Variants in FHIT observed in about 807,000 individuals in gnomAD.
The protein encoded by FHIT is bis(5'-adenosyl)-triphosphatase.
Under a neutral mutation model 17.9 loss-of-function variants are expected in FHIT, and 19 were observed. The ratio of observed to expected loss-of-function variants is 1.06; its 90% CI spans 0.74 to 1.56. The LOEUF (loss-of-function observed/expected upper bound fraction) is 1.56, where lower values mean the gene tolerates loss of function less well. Ranked by LOEUF, FHIT falls within the 40% of genes most tolerant of loss-of-function variation. FHIT has a pLI of 0.00. For synonymous variants in FHIT, 81 were observed against 69.7 expected, an observed-to-expected ratio of 1.16 and a Z score of -0.81; for missense variants, 248 against 189.2, an observed-to-expected ratio of 1.31 and a Z score of -1.82.
chr3:60,632,927 T>C (rs1200903426), intron 4 of FHIT, among the ~76,000 whole-genome samples: 2 of 152,184 alleles, frequency 1.3e-5, no homozygotes, highest in Non-Finnish European at 2.9e-5. Context: ...TTATCAATAA[T>C]GCAGAATCTT....
chr3:61,239,109 G>A (rs1385564145), intron 1 of FHIT, among the ~76,000 whole-genome samples: 6 of 150,584 alleles, frequency 4.0e-5, no homozygotes, highest in Admixed American at 3.3e-4. Flanking sequence ...AAAGGGAGGG[G>A]AAAAAAAAAG....
intron 5 of FHIT, among the ~76,000 whole-genome samples, chr3:60,158,741 G>C (rs1559685654): frequency 6.6e-6 from 1 of 152,134 alleles, no homozygotes; most frequent in South Asian, 2.1e-4. Context: ...CCTCACTTTA[G>C]ACTGTCTTCC....
chr3:60,502,478 C>T (rs920864974), intron 5 of FHIT, among the ~76,000 whole-genome samples: 7 of 152,110 alleles, frequency 4.6e-5, no homozygotes, highest in African/African-American at 1.4e-4. Context: ...ACACTTCACT[C>T]GGAAGTTACT....
At chr3:60,477,854 T>C (rs1291581210) in intron 5 of FHIT, among the ~76,000 whole-genome samples, 2 of 152,160 alleles carry the variant, frequency 1.3e-5, no homozygotes, top group African/African-American at 2.4e-5. Flanking sequence ...ACTTCTCTAA[T>C]ATGATAGGGA....
At chr3:59,773,213 T>C (rs1310614448) in intron 8 of FHIT, among the ~76,000 whole-genome samples, 1 of 152,140 alleles carries the variant, frequency 6.6e-6, no homozygotes, top group Non-Finnish European at 1.5e-5. Flanking sequence ...AGCAGAGCCA[T>C]GATAAAGCTT....
chr3:60,614,025 G>A (rs1354414162), intron 4 of FHIT, among the ~76,000 whole-genome samples: 1 of 152,058 alleles, frequency 6.6e-6, no homozygotes, highest in East Asian at 1.9e-4. Flanking sequence ...GAAACATGAA[G>A]TGATACAGGT....
At chr3:60,522,298 A>C (rs2035401902) in intron 5 of FHIT, among the ~76,000 whole-genome samples, 1 of 152,074 alleles carries the variant, frequency 6.6e-6, no homozygotes, top group African/African-American at 2.4e-5. Flanking sequence ...TTTAGTAGAT[A>C]CAGGGTTTCA....
chr3:61,190,932 G>C (rs1487371986), intron 2 of FHIT, among the ~76,000 whole-genome samples: 7 of 131,654 alleles, frequency 5.3e-5, no homozygotes, highest in Admixed American at 4.7e-4. Flanking sequence ...GGCTTGTTGT[G>C]GGGTGGGGGG....
intron 4 of FHIT, among the ~76,000 whole-genome samples, chr3:60,713,146 T>A (rs1190316727): frequency 6.6e-6 from 1 of 152,104 alleles, no homozygotes; most frequent in Non-Finnish European, 1.5e-5. Flanking sequence ...CTCAACTACA[T>A]GGAAACTGAA....
At chr3:60,409,538 T>A (rs921454427) in intron 5 of FHIT, among the ~76,000 whole-genome samples, 10 of 152,218 alleles carry the variant, frequency 6.6e-5, no homozygotes, top group Non-Finnish European at 1.5e-4. Context: ...TTTGTTAGAA[T>A]GTTTGTATTA....
At chr3:59,858,798 A>G (rs1702286452) in intron 8 of FHIT, among the ~76,000 whole-genome samples, 1 of 152,168 alleles carries the variant, frequency 6.6e-6, no homozygotes, top group Admixed American at 6.5e-5. Flanking sequence ...AGTTTCTGTC[A>G]GAGAAGGTAT....
At chr3:60,544,878 T>C (rs2107613743) in intron 4 of FHIT, among the ~76,000 whole-genome samples, 1 of 152,348 alleles carries the variant, frequency 6.6e-6, no homozygotes, top group Admixed American at 6.5e-5. Context: ...ATTACAAGCA[T>C]GAGCCACTGT....
intron 8 of FHIT, among the ~76,000 whole-genome samples, chr3:59,899,016 G>C (rs944660357): frequency 3.0e-4 from 46 of 152,132 alleles, no homozygotes; most frequent in Non-Finnish European, 1.8e-4. Flanking sequence ...CCCCTAGTCT[G>C]CCCACCATCA....
intron 5 of FHIT, among the ~76,000 whole-genome samples, chr3:60,057,999 C>T (rs1035447933): frequency 1.3e-5 from 2 of 151,944 alleles, no homozygotes; most frequent in Non-Finnish European, 2.9e-5. Context: ...GTAACAATTC[C>T]ACTTCTGTGA....
chr3:60,072,482 A>T (rs932636887), intron 5 of FHIT, among the ~76,000 whole-genome samples: 2 of 152,176 alleles, frequency 1.3e-5, no homozygotes, highest in African/African-American at 2.4e-5. Flanking sequence ...AACAATAAAA[A>T]TTAGAATATT....
chr3:60,198,123 T>A (rs1209294869), intron 5 of FHIT, among the ~76,000 whole-genome samples: 13 of 109,608 alleles, frequency 1.2e-4, no homozygotes. Flanking sequence ...TCTTTTCAAA[T>A]AAAGTTTAGA....
chr3:61,203,629 A>G (rs575362622), intron 1 of FHIT, among the ~76,000 whole-genome samples: 1 of 152,354 alleles, frequency 6.6e-6, no homozygotes, highest in South Asian at 2.1e-4. Context: ...GTATTGATTA[A>G]TAATTATTAA....
chr3:60,192,008 T>C (rs565934266), intron 5 of FHIT, among the ~76,000 whole-genome samples: 28 of 151,786 alleles, frequency 1.8e-4, no homozygotes, highest in African/African-American at 6.8e-4. Flanking sequence ...GCACTGAGGA[T>C]TGGAGACTGA....
rs192328095 is a variant in FHIT at position 59,989,702 on chromosome 3, G to C, written c.279+21669C>G. On this transcript the variant is annotated intron_variant, in intron 7 of 9. Coordinates refer to ENST00000492590, the MANE Select transcript of FHIT (RefSeq NM_002012.4). ...GCATTGAGTTGGGTGTCTTCATAGG[G>C]AGTCATTCTCAGGGAACGTGAAGCT... Among the ~76,000 whole-genome samples the C allele has an allele frequency of 6.9e-3, 1,047 of 152,066 alleles. 8 individuals are homozygous for C. The highest frequency in any genetic ancestry group is 0.011 in the Non-Finnish European group (752 of 67,952).
Sources: allele counts gnomAD v4.1 joint callset (sites outside exome capture counted in the v4.1 genomes callset), GRCh38; gene constraint gnomAD v4.1.1; transcripts MANE v1.5; gene names NCBI Gene and HGNC (gene_info 2026-07-23, HGNC 2026-07-21).